The following SLC2A13 variants were observed in gnomAD, a reference collection of about 807,000 sequenced individuals.
SLC2A13 encodes solute carrier family 2 member 13, also known as proton myo-inositol cotransporter.
In SLC2A13, 32 loss-of-function variants were observed where a neutral mutation model predicts 64.4. That is an observed-to-expected ratio of 0.50 (90% CI 0.37 to 0.67). The LOEUF (loss-of-function observed/expected upper bound fraction) is 0.67, where lower values mean the gene tolerates loss of function less well. Among genes scored for constraint, SLC2A13 ranks in the 30% least tolerant of loss-of-function variants. SLC2A13 has a pLI of 0.00. For missense variants in SLC2A13, 743 were observed against 829.2 expected (o/e 0.90, Z 1.28); for synonymous variants, 338 against 327.1 (o/e 1.03, Z -0.36).
chr12:39,889,529 CTTTTT>C (rs56189217), intron 4 of SLC2A13, among the ~76,000 whole-genome samples: 7 of 119,854 alleles, frequency 5.8e-5, no homozygotes, highest in Admixed American at 1.9e-4. Context: ...GGTAAACAAC[CTTTTT>C]TTTTTTTTTT....
chr12:39,761,964 A>G (rs773851276), intron 9 of SLC2A13, among the ~76,000 whole-genome samples: 9 of 152,128 alleles, frequency 5.9e-5, no homozygotes, highest in Non-Finnish European at 1.3e-4. Flanking sequence ...TATAGTTAAA[A>G]AACATTTGTT....
At chr12:39,839,621 C>T (rs61931238) in intron 6 of SLC2A13, among the ~76,000 whole-genome samples, 4 of 151,962 alleles carry the variant, frequency 2.6e-5, no homozygotes, top group Non-Finnish European at 4.4e-5. Flanking sequence ...GACACTATTC[C>T]CTTTGTTTCT....
intron 4 of SLC2A13, among the ~76,000 whole-genome samples, chr12:39,941,162 C>T (rs1946018623): frequency 1.3e-5 from 2 of 150,128 alleles, no homozygotes; most frequent in South Asian, 2.1e-4. Context: ...TTTCTTTATC[C>T]ACTTGTTGAT....
Position 39,801,535 on chromosome 12 carries a change from C to T in SLC2A13, c.1445+28568G>A, listed in dbSNP as rs1457143744. 2.0e-5 allele frequency among the ~76,000 whole-genome samples: 3 copies of T among 151,982 alleles called. No homozygotes were observed. The East Asian group carries it at 5.8e-4, about 29-fold the overall frequency. On this transcript the variant is annotated intron_variant, in intron 7 of 9. Coordinates refer to ENST00000280871, the MANE Select transcript of SLC2A13 (RefSeq NM_052885.4). Reference sequence around the variant, plus strand: ...TAAGATTCAAATTTGGGAAATATTCCATTTAAGATTATTTTAAAAGTCAAG... The same window carrying T: ...TAAGATTCAAATTTGGGAAATATTCTATTTAAGATTATTTTAAAAGTCAAG...
At chr12:40,011,568 A>G (rs1411671300) in intron 3 of SLC2A13, among the ~76,000 whole-genome samples, 1 of 152,194 alleles carries the variant, frequency 6.6e-6, no homozygotes, top group Admixed American at 6.5e-5. Flanking sequence ...CCTTAACATC[A>G]TAAACATGCA....
intron 4 of SLC2A13, among the ~76,000 whole-genome samples, chr12:39,894,656 T>A (rs1009180884): frequency 6.6e-6 from 1 of 152,224 alleles, no homozygotes; most frequent in African/African-American, 2.4e-5. Flanking sequence ...CTAATGTATA[T>A]CTTTTTTAGG....
At chr12:39,889,275 T>G (rs1289206844) in intron 4 of SLC2A13, among the ~76,000 whole-genome samples, 1 of 152,104 alleles carries the variant, frequency 6.6e-6, no homozygotes, top group Non-Finnish European at 1.5e-5. Flanking sequence ...TAACATTTGT[T>G]GATAGTTTTT....
intron 1 of SLC2A13, among the ~76,000 whole-genome samples, chr12:40,054,055 A>G (rs1364761519): frequency 6.6e-6 from 1 of 152,166 alleles, no homozygotes; most frequent in Non-Finnish European, 1.5e-5. Context: ...TCAAATCACT[A>G]TTATGTATTT....
intron 6 of SLC2A13, among the ~76,000 whole-genome samples, chr12:39,839,812 C>T (rs1460294513): frequency 6.6e-6 from 1 of 152,096 alleles, no homozygotes; most frequent in Non-Finnish European, 1.5e-5. Context: ...GCCAGAACTA[C>T]ACTTCCAATT....
At chr12:39,993,696 T>G (rs1274356623) in intron 3 of SLC2A13, among the ~76,000 whole-genome samples, 1 of 152,232 alleles carries the variant, frequency 6.6e-6, no homozygotes, top group Non-Finnish European at 1.5e-5. Context: ...AAGCAAGACT[T>G]ATTGCTTATT....
intron 4 of SLC2A13, among the ~76,000 whole-genome samples, chr12:39,922,237 T>C (rs1450107172): frequency 1.3e-5 from 2 of 152,186 alleles, no homozygotes; most frequent in Admixed American, 6.6e-5. Flanking sequence ...GACAGGAGAA[T>C]TTTTCATTGT....
intron 1 of SLC2A13, among the ~76,000 whole-genome samples, chr12:40,066,686 G>A (rs1937738603): frequency 1.3e-5 from 2 of 152,174 alleles, no homozygotes; most frequent in South Asian, 2.1e-4. Context: ...TGTGGTAAGT[G>A]TACTCCTATG....
chr12:39,899,870 T>C (rs528223594), intron 4 of SLC2A13, among the ~76,000 whole-genome samples: 1 of 152,252 alleles, frequency 6.6e-6, no homozygotes, highest in African/African-American at 2.4e-5. Context: ...TTCTGTTCTT[T>C]TACATTTGCT....
chr12:39,783,159 T>C (rs1941058406), intron 7 of SLC2A13, among the ~76,000 whole-genome samples: 1 of 152,172 alleles, frequency 6.6e-6, no homozygotes, highest in African/African-American at 2.4e-5. Flanking sequence ...CTGAGAATGA[T>C]GGTTTCCAGC....
chr12:39,772,419 T>A (rs1000799048), intron 7 of SLC2A13, among the ~76,000 whole-genome samples: 1 of 152,116 alleles, frequency 6.6e-6, no homozygotes, highest in Non-Finnish European at 1.5e-5. Context: ...ATTTTTTTTT[T>A]AAATCTCAAC....
At chr12:39,963,679 G>A (rs1946455587) in intron 3 of SLC2A13, among the ~76,000 whole-genome samples, 1 of 152,198 alleles carries the variant, frequency 6.6e-6, no homozygotes, top group Middle Eastern at 3.2e-3. Context: ...TATCAGAGCA[G>A]AGCATTTTGA....
intron 4 of SLC2A13, among the ~76,000 whole-genome samples, chr12:39,885,299 G>A (rs1019669430): frequency 4.6e-5 from 7 of 152,108 alleles, no homozygotes; most frequent in African/African-American, 1.4e-4. Context: ...TTCATCTCCC[G>A]ATGAAAAGAG....
intron 7 of SLC2A13, among the ~76,000 whole-genome samples, chr12:39,767,705 A>T (rs1181904037): frequency 6.6e-6 from 1 of 152,068 alleles, no homozygotes; most frequent in Non-Finnish European, 1.5e-5. Context: ...TAGTTCCCAT[A>T]GTCTCCACGT....
At chr12:39,976,954 T>C (rs983467583) in intron 3 of SLC2A13, among the ~76,000 whole-genome samples, 41 of 152,308 alleles carry the variant, frequency 2.7e-4, no homozygotes, top group African/African-American at 8.9e-4. Flanking sequence ...TGCCATCTTA[T>C]GCAATGCATT....
Sources: allele counts gnomAD v4.1 joint callset (sites outside exome capture counted in the v4.1 genomes callset), GRCh38; gene constraint gnomAD v4.1.1; transcripts MANE v1.5; gene names NCBI Gene and HGNC (gene_info 2026-07-23, HGNC 2026-07-21).